The following DAPK2 variants were observed in gnomAD, a reference collection of about 807,000 sequenced individuals.
DAPK2 encodes the protein death associated protein kinase 2, also known as death-associated protein kinase 2.
DAPK2 carries 35 observed loss-of-function variants against 44.1 expected under a neutral mutation model. The ratio of observed to expected loss-of-function variants is 0.79; its 90% CI spans 0.61 to 1.05. The LOEUF (loss-of-function observed/expected upper bound fraction) is 1.05, where lower values mean the gene tolerates loss of function less well. Among genes scored for constraint, DAPK2 ranks in the 50% least tolerant of loss-of-function variants. The probability of loss-of-function intolerance (pLI) is 0.00; values close to 1 mark genes in which losing one functional copy is unlikely to be tolerated. For missense variants in DAPK2, 453 were observed against 483.2 expected (o/e 0.94, Z 0.59); for synonymous variants, 174 against 182.6 (o/e 0.95, Z 0.38).
chr15:63,914,349 T>C (rs1186289152), intron 8 of DAPK2, among the ~76,000 whole-genome samples: 1 of 150,318 alleles, frequency 6.7e-6, no homozygotes, highest in Non-Finnish European at 1.5e-5. Context: ...GGCCAAAGAG[T>C]ACAGAAGGAA....
At position 63,918,190 on chromosome 15, in the gene DAPK2, G is replaced by A. The variant is rs541025474; in HGVS notation, c.859-5993C>T. 242 of 152,498 alleles carry A rather than the reference G, an allele frequency of 1.6e-3. 2 individuals are homozygous for A. Among genetic ancestry groups the A allele is most frequent in the Non-Finnish European group, 2.8e-3 (189 of 68,156 alleles). The allele number at this position is 152,498 out of a possible 1,614,324, so 9.4% of individuals were successfully genotyped here. On this transcript the variant is annotated intron_variant, in intron 8 of 10. Transcript: ENST00000261891. Reference sequence around the variant, plus strand: ...CAGCAAGGGCCGGGCCACCTGTGCTGCGTGATGGAGTGAGGTAGGAAGCCA... The same window carrying A: ...CAGCAAGGGCCGGGCCACCTGTGCTACGTGATGGAGTGAGGTAGGAAGCCA...
chr15:63,957,626 G>A (rs552753371), intron 3 of DAPK2, among the ~76,000 whole-genome samples: 81 of 151,332 alleles, frequency 5.4e-4, no homozygotes, highest in Non-Finnish European at 8.8e-4. Flanking sequence ...CTGTCCTTGC[G>A]ATAGTTTGCT....
rs544342211 is a variant in DAPK2 at position 63,956,125 on chromosome 15, C to A, written c.453+15298G>T. Among the ~76,000 whole-genome samples, 7 of 152,202 alleles carry A rather than the reference C, an allele frequency of 4.6e-5. No individual in the cohort carries two copies. In the South Asian group the frequency reaches 1.0e-3, roughly 23 times the overall value. ...AGCCACTAATGATCCTTTGAGTTTC[C>A]GCAGTATCAGTTGTAATGTCTCCTT... On this transcript the variant is annotated intron_variant, in intron 3 of 10. Coordinates refer to ENST00000261891, the Ensembl canonical transcript of DAPK2.
chr15:63,948,860 C>T (rs2077517994), intron 3 of DAPK2, among the ~76,000 whole-genome samples: 1 of 152,194 alleles, frequency 6.6e-6, no homozygotes, highest in African/African-American at 2.4e-5. Flanking sequence ...CTTCTGACCC[C>T]TGTAAAACTG....
intron 2 of DAPK2, among the ~76,000 whole-genome samples, chr15:63,976,735 T>C (rs2078360428): frequency 6.6e-6 from 1 of 152,196 alleles, no homozygotes; most frequent in South Asian, 2.1e-4. Flanking sequence ...CAGGTTGAGA[T>C]GTGCTGTAAG....
At position 63,990,426 on chromosome 15, in the gene DAPK2, T is replaced by TAGAAA. The variant is rs112885662; in HGVS notation, c.93-6677_93-6673dup. Among the ~76,000 whole-genome samples the TAGAAA allele has an allele frequency of 6.7e-6, 1 of 150,172 alleles. No individual in the cohort carries two copies. Among genetic ancestry groups the TAGAAA allele is most frequent in the Non-Finnish European group, 1.5e-5 (1 of 67,654 alleles). On this transcript the variant is annotated intron_variant, in intron 1 of 10. Transcript: ENST00000261891. This position sits in a 1 kb window ranked among gnomAD's most constrained non-coding sequence, Gnocchi z 4.3. Reference sequence around the variant, plus strand: ...CTGGGTGACAGAGCAAGACTCCATCTAGAAAAAGAAAAAGAAAGGTCCATG... The same window carrying TAGAAA: ...CTGGGTGACAGAGCAAGACTCCATCTAGAAAAGAAAAAGAAAAAGAAAGGTCCATG...
chr15:63,907,223 T>C (rs1357550469), exon 11 of DAPK2: 1 of 152,108 alleles, frequency 6.6e-6, no homozygotes, highest in Non-Finnish European at 1.5e-5. Context: ...GGACACCAAT[T>C]ATATTGCATC....
chr15:64,001,202 C>T (rs1886502913), intron 1 of DAPK2, among the ~76,000 whole-genome samples: 1 of 129,832 alleles, frequency 7.7e-6, no homozygotes, highest in African/African-American at 2.7e-5. Context: ...TAATCACCTC[C>T]ACTACCTGCC....
chr15:63,973,740 G>A (rs2078273616), intron 2 of DAPK2, among the ~76,000 whole-genome samples: 1 of 152,188 alleles, frequency 6.6e-6, no homozygotes, highest in Non-Finnish European at 1.5e-5. Flanking sequence ...GACATTAATT[G>A]GGGTGGGGGG....
rs781019991 is a variant in DAPK2 at position 63,939,404 on chromosome 15, A to C, written c.454-43T>G. On this transcript the variant is annotated intron_variant, in intron 3 of 10. Transcript: ENST00000261891. The surrounding 1 kb of genome is among the most constrained non-coding windows in gnomAD (Gnocchi z 4.3). ...GAAAAAAAAAAAAGGAAGGAAGAAA[A>C]GAAAAAAAAAGACGGTAATTAAAGG... The C allele has an allele frequency of 1.9e-6, 3 of 1,554,056 alleles. No individual in the cohort carries two copies. In the South Asian group the frequency reaches 3.6e-5, roughly 19 times the overall value.
intron 4 of DAPK2, among the ~76,000 whole-genome samples, chr15:63,932,107 C>T (rs917237954): frequency 2.0e-5 from 3 of 146,772 alleles, no homozygotes; most frequent in African/African-American, 7.6e-5. Flanking sequence ...GTGGAGGTTG[C>T]AGTGAGCTGA....
chr15:63,967,986 G>A (rs897627405), intron 3 of DAPK2, among the ~76,000 whole-genome samples: 1 of 152,258 alleles, frequency 6.6e-6, no homozygotes. Flanking sequence ...AGCTTGGGAA[G>A]GAGTTAACAG....
At chr15:63,970,105 G>A (rs985157790) in intron 3 of DAPK2, among the ~76,000 whole-genome samples, 2 of 152,344 alleles carry the variant, frequency 1.3e-5, no homozygotes, top group African/African-American at 2.4e-5. Flanking sequence ...CCTCCAGGCT[G>A]TCTCCAGCCT....
rs1171257457 is a variant in DAPK2, at chr15:64,030,236, C to T, written c.92+9934G>A. Reference sequence around the variant, plus strand: ...CCAGGAGGCAGAGGTTGCAGTGAGTCGAGATGACGCCACTGCACTCCAGCC... The same window carrying T: ...CCAGGAGGCAGAGGTTGCAGTGAGTTGAGATGACGCCACTGCACTCCAGCC... On this transcript the variant is annotated intron_variant, in intron 1 of 10. Transcript: ENST00000261891. Among the ~76,000 whole-genome samples the T allele has an allele frequency of 4.6e-5, 7 of 152,030 alleles. No homozygotes were observed. In the East Asian group the frequency reaches 7.7e-4, roughly 17 times the overall value.
chr15:63,976,463 A>G (rs1447329072), intron 2 of DAPK2, among the ~76,000 whole-genome samples: 1 of 152,214 alleles, frequency 6.6e-6, no homozygotes, highest in African/African-American at 2.4e-5. Context: ...TCACACCTGT[A>G]ATCTCAGCAC....
intron 2 of DAPK2, among the ~76,000 whole-genome samples, chr15:63,972,885 A>G (rs2078251018): frequency 6.6e-6 from 1 of 152,216 alleles, no homozygotes; most frequent in African/African-American, 2.4e-5. Flanking sequence ...AAAGATTAAT[A>G]TGGCTCTCCA....
In DAPK2 at chr15:63,991,111, G is replaced by C. The variant is rs117656594; in HGVS notation, c.93-7357C>G. On this transcript the variant is annotated intron_variant, in intron 1 of 10. Transcript: ENST00000261891. Reference sequence around the variant, plus strand: ...TTCCCCAAGGTCAGAGCAAGCAAGGGACCAGATATTCAGGAAACCAAAACA... The same window carrying C: ...TTCCCCAAGGTCAGAGCAAGCAAGGCACCAGATATTCAGGAAACCAAAACA... The C allele has an allele frequency of 6.6e-3, 2,620 of 399,572 alleles. 16 individuals carry two copies. Among genetic ancestry groups the C allele is most frequent in the Non-Finnish European group, 0.01 (2,001 of 198,432 alleles). 24.8% of individuals were successfully genotyped at this position (399,572 alleles called of 1,614,324 possible). A position where few individuals can be genotyped will look rare whatever the true frequency, so the allele number is the denominator to read the frequency against.
intron 1 of DAPK2, among the ~76,000 whole-genome samples, chr15:64,000,323 G>T (rs1428278857): frequency 1.1e-4 from 16 of 152,096 alleles, no homozygotes. Flanking sequence ...TGCTTGCTAT[G>T]GGGCAGAAGA....
At chr15:64,008,671 A>G (rs1034615105) in intron 1 of DAPK2, among the ~76,000 whole-genome samples, 1 of 152,280 alleles carries the variant, frequency 6.6e-6, no homozygotes, top group Non-Finnish European at 1.5e-5. Flanking sequence ...GTGAACATGC[A>G]CAAATGATAT....
Sources: allele counts gnomAD v4.1 joint callset (sites outside exome capture counted in the v4.1 genomes callset), GRCh38; gene constraint gnomAD v4.1.1; non-coding constraint Gnocchi (gnomAD v3.1); transcripts MANE v1.5; gene names NCBI Gene and HGNC (gene_info 2026-07-23, HGNC 2026-07-21).